The following EPHB1 variants were observed in gnomAD, a reference collection of about 807,000 sequenced individuals.
EPHB1 encodes the protein ephrin type-B receptor 1.
A neutral mutation model predicts 94.4 loss-of-function variants in EPHB1; 30 were observed. That is an observed-to-expected ratio of 0.32 (90% CI 0.24 to 0.43). The LOEUF (loss-of-function observed/expected upper bound fraction) is 0.43. Among genes scored for constraint, EPHB1 ranks in the 20% least tolerant of loss-of-function variants. The pLI is 1.00. For missense variants in EPHB1, 1,055 were observed against 1,308.3 expected, an observed-to-expected ratio of 0.81 and a Z score of 2.99; for synonymous variants, 522 against 489.1, an observed-to-expected ratio of 1.07 and a Z score of -0.89.
At chr3:134,926,406 G>A (rs1469142555) in intron 2 of EPHB1, among the ~76,000 whole-genome samples, 1 of 152,200 alleles carries the variant, frequency 6.6e-6, no homozygotes. Context: ...TCAACAGGTA[G>A]GTGTGGGCAC....
At chr3:134,895,978 AG>A (rs1323627148) in intron 1 of EPHB1, among the ~76,000 whole-genome samples, 1 of 152,100 alleles carries the variant, frequency 6.6e-6, no homozygotes, top group Non-Finnish European at 1.5e-5. Context: ...AAGATGAGTT[AG>A]GGGCTGGGGA....
intron 3 of EPHB1, among the ~76,000 whole-genome samples, chr3:135,015,568 G>A (rs960844693): frequency 2.0e-5 from 3 of 152,158 alleles, no homozygotes; most frequent in African/African-American, 7.2e-5. Context: ...ATGTCACTGG[G>A]CATCTAGGTC....
intron 5 of EPHB1, among the ~76,000 whole-genome samples, chr3:135,134,805 C>G (rs879882301): frequency 6.6e-6 from 1 of 152,198 alleles, no homozygotes; most frequent in Non-Finnish European, 1.5e-5. Context: ...GCCAGGCTGT[C>G]ATGTTACACT....
intron 3 of EPHB1, among the ~76,000 whole-genome samples, chr3:135,048,383 C>T (rs1027036814): frequency 6.6e-6 from 1 of 150,898 alleles, no homozygotes; most frequent in Non-Finnish European, 1.5e-5. Flanking sequence ...GATTCTCCCA[C>T]CTCAGCCTCC....
At chr3:135,130,100 G>C (rs1238267621) in intron 4 of EPHB1, among the ~76,000 whole-genome samples, 2 of 152,192 alleles carry the variant, frequency 1.3e-5, no homozygotes. Context: ...TGGCAGAAGA[G>C]ACTATATCGG....
chr3:134,928,915 CA>C (rs2038850713), intron 2 of EPHB1, among the ~76,000 whole-genome samples: 1 of 152,086 alleles, frequency 6.6e-6, no homozygotes, highest in Non-Finnish European at 1.5e-5. Flanking sequence ...GAGGAGGGCA[CA>C]AAAGTGGCAA....
chr3:135,084,470 G>A (rs974998462), intron 3 of EPHB1, among the ~76,000 whole-genome samples: 1 of 152,216 alleles, frequency 6.6e-6, no homozygotes, highest in African/African-American at 2.4e-5. Context: ...GCTGGCTGTT[G>A]TGTCATATAG....
intron 1 of EPHB1, among the ~76,000 whole-genome samples, chr3:134,815,145 C>T (rs1355731265): frequency 2.0e-5 from 3 of 152,120 alleles, no homozygotes; most frequent in African/African-American, 7.2e-5. Flanking sequence ...ATGATTTGGA[C>T]AACAAACAAA....
chr3:134,903,279 C>T (rs2038242688), intron 1 of EPHB1, among the ~76,000 whole-genome samples: 1 of 152,316 alleles, frequency 6.6e-6, no homozygotes, highest in African/African-American at 2.4e-5. Context: ...CTGCTCAGGG[C>T]TCCAGTCTGG....
chr3:135,230,029 C>A (rs1489819703), intron 12 of EPHB1, among the ~76,000 whole-genome samples: 1 of 152,156 alleles, frequency 6.6e-6, no homozygotes, highest in African/African-American at 2.4e-5. Flanking sequence ...AGAGAGGAAG[C>A]TGTGGTCTCT....
At position 135,128,978 on chromosome 3, in the gene EPHB1, C is replaced by A. The variant is rs888806521; in HGVS notation, c.962-3736C>A. 8.5e-5 allele frequency among the ~76,000 whole-genome samples: 13 copies of A among 152,224 alleles called. No individual in the cohort carries two copies. In the East Asian group the frequency reaches 2.3e-3, roughly 27 times the overall value. On this transcript the variant is annotated intron_variant, in intron 4 of 15. Transcript: ENST00000398015. ...TCTGGCTCTCCTAGCCCTCTGAGTCCATTCTCCAGGGAAGGCCCTTAATGT... is the reference window on the plus strand; with the variant it reads ...TCTGGCTCTCCTAGCCCTCTGAGTCAATTCTCCAGGGAAGGCCCTTAATGT...
intron 1 of EPHB1, among the ~76,000 whole-genome samples, chr3:134,925,180 T>TC (rs2038764608): frequency 6.6e-6 from 1 of 152,224 alleles, no homozygotes; most frequent in African/African-American, 2.4e-5. Context: ...TGCCACTTCA[T>TC]CACCTGCATG....
At chr3:134,867,318 A>T (rs151251977) in intron 1 of EPHB1, among the ~76,000 whole-genome samples, 3 of 152,194 alleles carry the variant, frequency 2.0e-5, no homozygotes, top group South Asian at 4.1e-4. Flanking sequence ...TTTTCTGCCT[A>T]TGTCATACCT....
At chr3:134,914,258 C>T (rs1047067878) in intron 1 of EPHB1, among the ~76,000 whole-genome samples, 1 of 152,182 alleles carries the variant, frequency 6.6e-6, no homozygotes, top group Non-Finnish European at 1.5e-5. Context: ...CACATCAGGA[C>T]AAAACGTGGA....
chr3:135,065,497 A>G (rs1937569744), intron 3 of EPHB1, among the ~76,000 whole-genome samples: 1 of 152,194 alleles, frequency 6.6e-6, no homozygotes, highest in Non-Finnish European at 1.5e-5. Context: ...GTCTGATATA[A>G]GAATAGCTAA....
At chr3:134,821,866 G>T (rs1453586865) in intron 1 of EPHB1, among the ~76,000 whole-genome samples, 1 of 152,120 alleles carries the variant, frequency 6.6e-6, no homozygotes, top group Non-Finnish European at 1.5e-5. Flanking sequence ...TTCCAACCTG[G>T]GTTTGGTCTA....
chr3:135,255,178 A>G (rs932397146), intron 15 of EPHB1, among the ~76,000 whole-genome samples: 6 of 151,680 alleles, frequency 4.0e-5, no homozygotes, highest in Non-Finnish European at 7.4e-5. Context: ...TGGATTCATT[A>G]ATTTTTTGAA....
intron 12 of EPHB1, among the ~76,000 whole-genome samples, chr3:135,235,797 C>A (rs1203886655): frequency 1.3e-5 from 2 of 152,144 alleles, no homozygotes; most frequent in African/African-American, 2.4e-5. Flanking sequence ...GGATAGAATT[C>A]TCCCTCAGGC....
chr3:135,047,574 C>A (rs1372291646), intron 3 of EPHB1, among the ~76,000 whole-genome samples: 2 of 152,206 alleles, frequency 1.3e-5, no homozygotes, highest in Non-Finnish European at 2.9e-5. Flanking sequence ...CAGCTCTCAG[C>A]TTTATGTACT....
Sources: gnomAD v4.1 joint callset for allele counts (sites outside exome capture counted in the v4.1 genomes callset) on GRCh38, gnomAD v4.1.1 for gene constraint, MANE v1.5 for transcripts, NCBI Gene and HGNC (gene_info 2026-07-23, HGNC 2026-07-21) for gene names.